Variants in NEDD4L observed in about 807,000 individuals in gnomAD.
NEDD4L encodes NEDD4 like E3 ubiquitin protein ligase, also known as E3 ubiquitin-protein ligase NEDD4-like.
Under a neutral mutation model 148.9 loss-of-function variants are expected in NEDD4L, and 54 were observed. The ratio of observed to expected loss-of-function variants is 0.36; its 90% CI spans 0.29 to 0.45. NEDD4L has a LOEUF of 0.45. Among genes scored for constraint, NEDD4L ranks in the 20% least tolerant of loss-of-function variants. The pLI, the probability that NEDD4L is intolerant of heterozygous loss-of-function variation, is 1.00. For synonymous variants in NEDD4L, 433 were observed against 440.7 expected (o/e 0.98, Z 0.22); for missense variants, 856 against 1,233.8 (o/e 0.69, Z 4.59).
chr18:58,346,748 A>G (rs1031430438), intron 16 of NEDD4L, among the ~76,000 whole-genome samples: 2 of 152,260 alleles, frequency 1.3e-5, no homozygotes, highest in African/African-American at 4.8e-5. Context: ...AGTTCCCGTT[A>G]TGAAACTGAA....
intron 5 of NEDD4L, among the ~76,000 whole-genome samples, chr18:58,266,369 AT>A (rs1466946746): frequency 6.6e-6 from 1 of 152,116 alleles, no homozygotes; most frequent in African/African-American, 2.4e-5. Context: ...AAAGTATTAA[AT>A]TTCTGAACCA....
At chr18:58,130,246 T>C (rs2031858860) in intron 1 of NEDD4L, among the ~76,000 whole-genome samples, 1 of 143,818 alleles carries the variant, frequency 7.0e-6, no homozygotes, top group Non-Finnish European at 1.5e-5. Context: ...GTGGCTGTGT[T>C]GGGCTCTGGA....
At chr18:58,175,610 A>G (rs1330951884) in intron 2 of NEDD4L, among the ~76,000 whole-genome samples, 1 of 152,362 alleles carries the variant, frequency 6.6e-6, no homozygotes, top group African/African-American at 2.4e-5. Flanking sequence ...CCTTGGGCCA[A>G]AAAGTGTTTG....
intron 1 of NEDD4L, among the ~76,000 whole-genome samples, chr18:58,137,829 G>T (rs111364797): frequency 6.6e-6 from 1 of 152,156 alleles, no homozygotes; most frequent in Non-Finnish European, 1.5e-5. Flanking sequence ...ACGTAAGCTG[G>T]GTGGTTTATA....
intron 1 of NEDD4L, among the ~76,000 whole-genome samples, chr18:58,120,242 A>G (rs540101): frequency 0.88 from 133,576 of 152,150 alleles, 58,692 homozygotes; most frequent in East Asian, 0.93. Flanking sequence ...GAAATGAAAC[A>G]CACCAGGAGG....
chr18:58,060,001 A>ATAACTT (rs1194797367), intron 1 of NEDD4L, among the ~76,000 whole-genome samples: 3 of 152,134 alleles, frequency 2.0e-5, no homozygotes, highest in African/African-American at 7.2e-5. Context: ...AGGAGGTTAA[A>ATAACTT]TAACTTGCCC....
intron 1 of NEDD4L, among the ~76,000 whole-genome samples, chr18:58,117,022 G>C (rs2085890195): frequency 6.6e-6 from 1 of 152,236 alleles, no homozygotes; most frequent in African/African-American, 2.4e-5. Context: ...AATTTCAGGA[G>C]TAAGAAAGCG....
intron 1 of NEDD4L, among the ~76,000 whole-genome samples, chr18:58,125,897 C>A (rs2030988550): frequency 1.3e-5 from 2 of 152,252 alleles, no homozygotes; most frequent in Admixed American, 1.3e-4. Flanking sequence ...CAGTACTTGG[C>A]AGCTGTTTGT....
chr18:58,133,941 A>G (rs1260906577), intron 1 of NEDD4L, among the ~76,000 whole-genome samples: 1 of 152,188 alleles, frequency 6.6e-6, no homozygotes, highest in African/African-American at 2.4e-5. Context: ...CTTTATGTCC[A>G]TTGTAGGGAT....
chr18:58,243,202 A>T (rs1018740673), intron 2 of NEDD4L, among the ~76,000 whole-genome samples: 2 of 152,350 alleles, frequency 1.3e-5, no homozygotes, highest in East Asian at 3.9e-4. Context: ...AGGGGCATAA[A>T]AATGAGAGCA....
At chr18:58,226,735 A>C (rs1159885187) in intron 2 of NEDD4L, among the ~76,000 whole-genome samples, 1 of 152,126 alleles carries the variant, frequency 6.6e-6, no homozygotes, top group Non-Finnish European at 1.5e-5. Context: ...GAGGGTGTAC[A>C]AACCTCTCAT....
rs769476442 is a variant in NEDD4L, at chr18:58,325,126, A to T, written c.644A>T (p.Asn215Ile). Residue 215 changes from asparagine (N) to isoleucine (I), a missense_variant, in exon 9 of 31, where the codon AAC becomes ATC. By Grantham distance (149) the Asn-to-Ile change is moderately radical (BLOSUM62 -3). This residue lies in a region of NEDD4L where 10 missense variants were observed against 35.1 expected (regional missense o/e 0.29). Transcript: ENST00000400345. ...GGCCGAACTTACTATGTCAACCACAACAACCGGACCACTCAGTGGCACAGA... is the reference window on the plus strand; with the variant it reads ...GGCCGAACTTACTATGTCAACCACATCAACCGGACCACTCAGTGGCACAGA... ...NLGRTYYVNH[N>I]NRTTQWHRPS... The T allele has an allele frequency of 3.1e-6, 5 of 1,614,048 alleles. No homozygotes were observed. Among genetic ancestry groups the T allele is most frequent in the Non-Finnish European group, 4.2e-6 (5 of 1,179,896 alleles).
chr18:58,096,938 G>T (rs2084448245), intron 1 of NEDD4L, among the ~76,000 whole-genome samples: 1 of 152,192 alleles, frequency 6.6e-6, no homozygotes, highest in Non-Finnish European at 1.5e-5. Context: ...ATGGCAGGTG[G>T]CAGTTAGAAC....
chr18:58,249,134 G>A (rs1460116992), intron 4 of NEDD4L, among the ~76,000 whole-genome samples, 197 bp downstream of exon 4: 4 of 152,128 alleles, frequency 2.6e-5, no homozygotes, highest in Non-Finnish European at 5.9e-5. Flanking sequence ...TGTTTCATTG[G>A]GGAGTGTTTT....
intron 2 of NEDD4L, among the ~76,000 whole-genome samples, chr18:58,184,064 G>C (rs1311398077): frequency 6.6e-6 from 1 of 152,142 alleles, no homozygotes; most frequent in Non-Finnish European, 1.5e-5. Flanking sequence ...AGCTACTCAG[G>C]AGGCTGAGGC....
intron 18 of NEDD4L, among the ~76,000 whole-genome samples, chr18:58,355,207 ACAGTT>A (rs1178350699): frequency 6.6e-6 from 1 of 152,182 alleles, no homozygotes; most frequent in African/African-American, 2.4e-5. Context: ...CGCCCAGAGA[ACAGTT>A]CAGGGAAAAA....
intron 19 of NEDD4L, among the ~76,000 whole-genome samples, chr18:58,361,266 C>T (rs1451334452): frequency 1.3e-5 from 2 of 152,160 alleles, no homozygotes; most frequent in African/African-American, 2.4e-5. Context: ...GTAGGCCTAG[C>T]GTTTCTACAT....
intron 1 of NEDD4L, among the ~76,000 whole-genome samples, chr18:58,148,322 G>A (rs1312072809): frequency 2.0e-5 from 3 of 151,490 alleles, no homozygotes; most frequent in Admixed American, 6.6e-5. Context: ...CATGCACTGT[G>A]TCTGGCTACT....
chr18:58,372,846 A>AG (rs538598079), intron 23 of NEDD4L, among the ~76,000 whole-genome samples: 34,635 of 137,582 alleles, frequency 0.25, 3,934 homozygotes, highest in Middle Eastern at 0.31. Flanking sequence ...AAAAAAAAAA[A>AG]AGAGAGAGAG....
Sources: gnomAD v4.1 joint callset for allele counts (sites outside exome capture counted in the v4.1 genomes callset) on GRCh38, gnomAD v4.1.1 for gene constraint, gnomAD v4.1.1 regional missense constraint, MANE v1.5 for transcripts, NCBI Gene and HGNC (gene_info 2026-07-23, HGNC 2026-07-21) for gene names.